GGA1: variants seen among roughly 807,000 people sequenced by gnomAD.
GGA1 encodes the protein ADP-ribosylation factor-binding protein GGA1.
In GGA1, 18 loss-of-function variants were observed where a neutral mutation model predicts 76.9. The ratio of observed to expected loss-of-function variants is 0.23; its 90% confidence interval spans 0.16 to 0.35. The LOEUF is 0.35. Ranked by LOEUF, GGA1 falls within the 10% of genes least tolerant of loss-of-function variation. The pLI is 1.00. For missense variants in GGA1, 755 were observed against 859.0 expected (o/e 0.88, Z 1.51); for synonymous variants, 342 against 354.7 (o/e 0.96, Z 0.40).
At chr22:37,612,474 A>G (rs1049723357) in intron 1 of GGA1, 2 of 145,816 alleles carry the variant, frequency 1.4e-5, no homozygotes, top group African/African-American at 5.0e-5. Flanking sequence ...TCCGTCTCAA[A>G]AAAAAAAAAA....
intron 7 of GGA1, among the ~76,000 whole-genome samples, chr22:37,622,767 C>T (rs1930128155): frequency 6.6e-6 from 1 of 152,190 alleles, no homozygotes; most frequent in Admixed American, 6.5e-5. Context: ...CTGTGTGAGG[C>T]CACTTTTCAC....
At chr22:37,611,469 G>C (rs529673141) in intron 1 of GGA1, among the ~76,000 whole-genome samples, 3 of 152,316 alleles carry the variant, frequency 2.0e-5, no homozygotes, top group African/African-American at 7.2e-5. Context: ...TTGTTAATCT[G>C]AGTATTCATT....
chr22:37,623,938 C>A lies in GGA1; in HGVS notation c.832+305C>A. On this transcript the variant is annotated intron_variant, in intron 9 of 16. Coordinates refer to ENST00000343632, the MANE Select transcript of GGA1 (RefSeq NM_013365.5). This position sits in a 1 kb window ranked among gnomAD's most constrained non-coding sequence, Gnocchi z 4.6. ...AGGGAGGAAAATGACTTGCCCAGAT[C>A]ACAGAGCAGAACAGTGGCAGAGCCA... is the stretch of plus-strand genomic sequence containing the variant. 2.7e-6 allele frequency: 1 copy of A among 372,462 alleles called. No homozygotes were observed. The highest frequency in any genetic ancestry group is 5.1e-6 in the Non-Finnish European group (1 of 195,908). The allele number at this position is 372,462 out of a possible 1,614,324, so 23.1% of individuals were successfully genotyped here. A position where few individuals can be genotyped will look rare whatever the true frequency, so the allele number is the denominator to read the frequency against.
At chr22:37,609,206 A>G (rs1051633614) in intron 1 of GGA1, 2 of 1,301,688 alleles carry the variant, frequency 1.5e-6, no homozygotes, top group Admixed American at 3.9e-5. Flanking sequence ...CCAACCCCCA[A>G]GGCTCACATT....
Position 37,624,055 on chromosome 22 carries a change from G to C in GGA1, c.832+422G>C, listed in dbSNP as rs1261924017. The C allele has an allele frequency of 2.2e-5, 4 of 185,728 alleles. No homozygotes were observed. The highest frequency in any genetic ancestry group is 2.1e-4 in the Admixed American group (4 of 18,612). The allele number at this position is 185,728 out of a possible 1,614,324, so 11.5% of individuals were successfully genotyped here. A position where few individuals can be genotyped will look rare whatever the true frequency, so the allele number is the denominator to read the frequency against. On this transcript the variant is annotated intron_variant, in intron 9 of 16. Coordinates refer to ENST00000343632, the MANE Select transcript of GGA1 (RefSeq NM_013365.5). The surrounding 1 kb of genome is among the most constrained non-coding windows in gnomAD (Gnocchi z 4.3). ...GCATCCCACAGCCCAGGCAGTTCCA[G>C]ACCTGAGCCTGACGGCTTCTGCCAG...
intron 14 of GGA1, among the ~76,000 whole-genome samples, chr22:37,631,352 C>G (rs929413643): frequency 1.3e-5 from 2 of 152,102 alleles, no homozygotes; most frequent in East Asian, 3.9e-4. Flanking sequence ...GGCTCTGGGC[C>G]CCTTCCATCC....
Position 37,632,849 on chromosome 22 carries a change from TAGGCCTCA to T in GGA1, c.*141_*148del. On this transcript the variant is annotated 3_prime_UTR_variant, in exon 17 of 17. Coordinates refer to ENST00000343632, the MANE Select transcript of GGA1 (RefSeq NM_013365.5). The surrounding 1 kb of genome is among the most constrained non-coding windows in gnomAD (Gnocchi z 5.1). Reference sequence around the variant, plus strand: ...CCTGGTGCTTCTCCCCACACCCCTGTAGGCCTCAAGTGACTCTTCCCCCTCCTGCTCCG... The same window carrying T: ...CCTGGTGCTTCTCCCCACACCCCTGTAGTGACTCTTCCCCCTCCTGCTCCG... 1 of 629,830 alleles carries T rather than the reference TAGGCCTCA, an allele frequency of 1.6e-6. No homozygotes were observed. Among genetic ancestry groups the T allele is most frequent in the Non-Finnish European group, 2.9e-6 (1 of 346,390 alleles). 39.0% of individuals were successfully genotyped at this position (629,830 alleles called of 1,614,324 possible). A position where few individuals can be genotyped will look rare whatever the true frequency, so the allele number is the denominator to read the frequency against.
chr22:37,623,584 C>T lies in GGA1; in HGVS notation c.783C>T (p.Pro261=), dbSNP rs1260009904. The change falls in exon 9 of 17, where the codon CCC becomes CCT. Residue 261 remains proline (P), a synonymous_variant. Transcript: ENST00000343632. This position sits in a 1 kb window ranked among gnomAD's most constrained non-coding sequence, Gnocchi z 4.6. ...ELYQRCERMR[P]TLFRLASDTE... ...ACCAGCGCTGTGAGCGGATGCGGCC[C>T]ACGCTCTTCCGACTGGCGAGTGACA... The T allele has an allele frequency of 1.5e-5, 24 of 1,607,114 alleles. No individual in the cohort carries two copies. The highest frequency in any genetic ancestry group is 1.7e-5 in the Non-Finnish European group (20 of 1,176,916).
chr22:37,620,679 A>G, intron 5 of GGA1, 134 bp from the exon 6 acceptor site: 1 of 689,058 alleles, frequency 1.5e-6, no homozygotes, highest in Non-Finnish European at 2.6e-6. Flanking sequence ...GGCCACTAAG[A>G]GTCCAGAGCC....
At chr22:37,613,124 G>C (rs908945180) in intron 1 of GGA1, 5 of 985,320 alleles carry the variant, frequency 5.1e-6, no homozygotes, top group East Asian at 2.3e-4. Context: ...GGCAGGAGTA[G>C]AGGATTAGAG....
chr22:37,621,534 G>C, intron 6 of GGA1, 82 bp from the exon 7 acceptor site: 1 of 817,550 alleles, frequency 1.2e-6, no homozygotes, highest in East Asian at 2.7e-5. Context: ...CAGGCAGGAA[G>C]CGGGGAGCCA....
chr22:37,613,089 G>C, intron 1 of GGA1: 4 of 985,284 alleles, frequency 4.1e-6, no homozygotes, highest in South Asian at 4.7e-5. Context: ...ACACAAAAGA[G>C]AACTGACCCA....
At position 37,620,863 on chromosome 22, in the gene GGA1, C is replaced by A; in HGVS notation, c.478C>A (p.Pro160Thr). ...KLPDDTTFPL[P>T]PPRPKNVIFE... ...TCCAGATGACACTACCTTTCCCCTT[C>A]CTCCTCCACGGCCGAAGAATGTGAT... Residue 160 changes from proline to threonine, a missense_variant, in exon 6 of 17, where the codon CCT becomes ACT. Coordinates refer to ENST00000343632, the MANE Select transcript of GGA1 (RefSeq NM_013365.5). 6.2e-7 allele frequency: 1 copy of A among 1,612,802 alleles called. No homozygotes were observed. The highest frequency in any genetic ancestry group is 8.5e-7 in the Non-Finnish European group (1 of 1,178,760).
At chr22:37,630,200 G>A in intron 13 of GGA1, 30 bp downstream of exon 13, 1 of 1,513,116 alleles carries the variant, frequency 6.6e-7, no homozygotes, top group Non-Finnish European at 8.9e-7. Flanking sequence ...GGCATGGGGT[G>A]GGGAGCACTC....
In GGA1 at chr22:37,625,532, C is replaced by T. The variant is rs1047927542; in HGVS notation, c.941-265C>T. Among the ~76,000 whole-genome samples, 1 of 151,972 alleles carries T rather than the reference C, an allele frequency of 6.6e-6. No individual in the cohort carries two copies. Among genetic ancestry groups the T allele is most frequent in the Non-Finnish European group, 1.5e-5 (1 of 67,980 alleles). ...GATGGAGGCGCTGCACGGAAGCAGC[C>T]AAGTTTCAGCAGGGCCTTAAGGATG... On this transcript the variant is annotated intron_variant, in intron 10 of 16. Transcript: ENST00000343632. This position sits in a 1 kb window ranked among gnomAD's most constrained non-coding sequence, Gnocchi z 4.1.
At chr22:37,628,149 G>T (rs1281740166) in intron 11 of GGA1, among the ~76,000 whole-genome samples, 1 of 152,138 alleles carries the variant, frequency 6.6e-6, no homozygotes, top group Admixed American at 6.6e-5. Flanking sequence ...TGAGATGGGG[G>T]TCTCACTATA....
intron 3 of GGA1, chr22:37,617,264 C>T (rs1308903198): frequency 5.9e-6 from 8 of 1,349,394 alleles, no homozygotes; most frequent in African/African-American, 3.0e-5. Context: ...TTCAGCTGCA[C>T]ATCGGCTGCC....
intron 4 of GGA1, among the ~76,000 whole-genome samples, chr22:37,618,968 G>C (rs533642038): frequency 4.8e-4 from 73 of 152,314 alleles, no homozygotes; most frequent in African/African-American, 1.7e-3. Context: ...CTGGACCTCA[G>C]CATCCAAGGC....
At chr22:37,619,673 G>T (rs1164510117) in intron 4 of GGA1, 10 of 631,202 alleles carry the variant, frequency 1.6e-5, no homozygotes, top group Non-Finnish European at 2.6e-5. Flanking sequence ...ATGGCCTCCG[G>T]CCTACTGTGA....
Sources: gnomAD v4.1 joint callset for allele counts (sites outside exome capture counted in the v4.1 genomes callset) on GRCh38, gnomAD v4.1.1 for gene constraint, Gnocchi (gnomAD v3.1) non-coding constraint, MANE v1.5 for transcripts, NCBI Gene and HGNC (gene_info 2026-07-23, HGNC 2026-07-21) for gene names.